IQGAP2: variants seen among roughly 807,000 people sequenced by gnomAD.
IQGAP2 encodes the protein IQ motif containing GTPase activating protein 2.
IQGAP2 carries 173 observed loss-of-function variants against 201.3 expected under a neutral mutation model. The observed-to-expected ratio is 0.86, with a 90% confidence interval of 0.76 to 0.98. The LOEUF is 0.98. IQGAP2 is among the 50% of genes least tolerant of loss of function. The pLI is 0.00. For missense variants in IQGAP2, 1,687 were observed against 1,864.8 expected (o/e 0.90, Z 1.76); for synonymous variants, 675 against 673.9 (o/e 1.00, Z -0.03).
chr5:76,470,789 T>C (rs1472076832), intron 2 of IQGAP2, among the ~76,000 whole-genome samples: 1 of 152,200 alleles, frequency 6.6e-6, no homozygotes, highest in Non-Finnish European at 1.5e-5. Context: ...TAATACTAAA[T>C]GGACTTTTTA....
At chr5:76,589,886 GA>G (rs3215117) in intron 7 of IQGAP2, among the ~76,000 whole-genome samples, 158 bp downstream of exon 7, 9,135 of 152,244 alleles carry the variant, frequency 0.06, 742 homozygotes, top group East Asian at 0.44. Flanking sequence ...GAGGATGTCA[GA>G]ATATAACCAA....
chr5:76,630,396 A>G (rs1417767936), intron 14 of IQGAP2, among the ~76,000 whole-genome samples: 1 of 152,188 alleles, frequency 6.6e-6, no homozygotes, highest in Non-Finnish European at 1.5e-5. Flanking sequence ...TTTGGGTAAA[A>G]TAAGGAGCAA....
rs575867528 is a variant in IQGAP2 at position 76,517,597 on chromosome 5, C to T, written c.147-44799C>T. 4.2e-5 allele frequency among the ~76,000 whole-genome samples: 6 copies of T among 144,474 alleles called. No individual in the cohort carries two copies. In the South Asian group the frequency reaches 1.3e-3, roughly 32 times the overall value. 94.8% of individuals were successfully genotyped at this position (144,474 alleles called of 152,430 possible). ...ACTAGCCTGGGTGACAAAGTGAGAC[C>T]CTGTTTCAAAAAAAAAAAAAAAAAA... On this transcript the variant is annotated intron_variant, in intron 2 of 35. Transcript: ENST00000274364.
intron 3 of IQGAP2, among the ~76,000 whole-genome samples, chr5:76,566,872 T>A (rs775747985): frequency 1.4e-4 from 21 of 151,346 alleles, no homozygotes; most frequent in Admixed American, 4.6e-4. Context: ...AAATGGGGTG[T>A]TTGGTGGTGA....
chr5:76,558,776 C>T (rs1173420211), intron 2 of IQGAP2, among the ~76,000 whole-genome samples: 4 of 152,232 alleles, frequency 2.6e-5, no homozygotes, highest in Admixed American at 6.5e-5. Context: ...AGGAGAGAAA[C>T]TGAAGCTCAG....
At chr5:76,633,252 C>T (rs931743303) in intron 15 of IQGAP2, among the ~76,000 whole-genome samples, 1 of 152,116 alleles carries the variant, frequency 6.6e-6, no homozygotes, top group African/African-American at 2.4e-5. Flanking sequence ...AAAAAAATGG[C>T]AGCAAGACTT....
chr5:76,566,084 G>A (rs562806128), intron 3 of IQGAP2, among the ~76,000 whole-genome samples: 84 of 152,162 alleles, frequency 5.5e-4, no homozygotes, highest in Non-Finnish European at 1.0e-3. Context: ...ATACATATAG[G>A]GTAGAATTCA....
Position 76,683,840 on chromosome 5 carries a change from C to G in IQGAP2, c.3828C>G (p.Thr1276=), listed in dbSNP as rs961545007. Residue 1276 remains threonine, a synonymous_variant, in exon 30 of 36, where the codon ACC becomes ACG. Coordinates refer to ENST00000274364, the MANE Select transcript of IQGAP2 (RefSeq NM_006633.5). The part of the protein sequence containing the change: ...KANTLSQLSK[T]EISLVLTSKY... ...ATACACTAAGTCAGCTTTCAAAGACCGAGATTTCTCTTGTCTTGACAAGCA... is the reference window on the plus strand; with the variant it reads ...ATACACTAAGTCAGCTTTCAAAGACGGAGATTTCTCTTGTCTTGACAAGCA... 1 of 1,613,270 alleles carries G rather than the reference C, an allele frequency of 6.2e-7. No individual in the cohort carries two copies. Among genetic ancestry groups the G allele is most frequent in the Non-Finnish European group, 8.5e-7 (1 of 1,179,622 alleles).
intron 30 of IQGAP2, among the ~76,000 whole-genome samples, 161 bp downstream of exon 30, chr5:76,684,078 T>A (rs935096635): frequency 2.0e-5 from 3 of 152,232 alleles, no homozygotes; most frequent in Non-Finnish European, 4.4e-5. Context: ...ATAGACTCTT[T>A]AGAATTTAGG....
intron 17 of IQGAP2, among the ~76,000 whole-genome samples, chr5:76,643,822 G>A (rs538428261): frequency 3.2e-4 from 49 of 152,258 alleles, no homozygotes; most frequent in African/African-American, 1.2e-3. Flanking sequence ...CACTTCGCCA[G>A]GAGCAGTGGC....
chr5:76,705,881 T>C (rs981976850), intron 35 of IQGAP2, among the ~76,000 whole-genome samples: 1 of 152,240 alleles, frequency 6.6e-6, no homozygotes, highest in Non-Finnish European at 1.5e-5. Flanking sequence ...TTCCTGTACC[T>C]ATGTTACTAT....
chr5:76,459,260 C>T (rs536390837), intron 1 of IQGAP2, among the ~76,000 whole-genome samples: 3 of 152,098 alleles, frequency 2.0e-5, no homozygotes, highest in East Asian at 1.9e-4. Context: ...GGCCGAGGGA[C>T]GGGGTTCTGC....
intron 13 of IQGAP2, among the ~76,000 whole-genome samples, chr5:76,614,521 T>C (rs1373568071): frequency 6.6e-6 from 1 of 152,184 alleles, no homozygotes; most frequent in Non-Finnish European, 1.5e-5. Flanking sequence ...TGAAACTTTC[T>C]TTTCTCAGCC....
Position 76,652,875 on chromosome 5 carries a change from G to A in IQGAP2, c.2178+42G>A, listed in dbSNP as rs150683324. 151 of 1,246,044 alleles carry A rather than the reference G, an allele frequency of 1.2e-4. 1 individual carries two copies. The East Asian group carries it at 3.0e-3, about 24-fold the overall frequency. The allele number at this position is 1,246,044 out of a possible 1,614,324, so 77.2% of individuals were successfully genotyped here. On this transcript the variant is annotated intron_variant, in intron 18 of 35. Coordinates refer to ENST00000274364, the MANE Select transcript of IQGAP2 (RefSeq NM_006633.5). Reference sequence around the variant, plus strand: ...ACCATACCAAGTGCTTGGCTTAAACGTTTCCCCTCATTTCATGTTTAATCT... The same window carrying A: ...ACCATACCAAGTGCTTGGCTTAAACATTTCCCCTCATTTCATGTTTAATCT...
At chr5:76,613,010 C>T (rs1460361635) in intron 13 of IQGAP2, among the ~76,000 whole-genome samples, 1 of 152,218 alleles carries the variant, frequency 6.6e-6, no homozygotes, top group African/African-American at 2.4e-5. Flanking sequence ...CCCATGGTGG[C>T]GCCCTCTGCA....
intron 3 of IQGAP2, among the ~76,000 whole-genome samples, chr5:76,564,617 C>T (rs1410595704): frequency 6.6e-6 from 1 of 152,232 alleles, no homozygotes; most frequent in African/African-American, 2.4e-5. Context: ...ACCTTCTCCT[C>T]CTGGCATCAG....
chr5:76,643,720 T>A (rs368970344), intron 17 of IQGAP2, among the ~76,000 whole-genome samples: 2 of 152,084 alleles, frequency 1.3e-5, no homozygotes, highest in African/African-American at 4.8e-5. Flanking sequence ...ACACCAAAAC[T>A]TAGCCCTGAG....
At position 76,652,676 on chromosome 5, in the gene IQGAP2, C is replaced by T. The variant is rs1580728482; in HGVS notation, c.2095-74C>T. 5 of 1,044,192 alleles carry T rather than the reference C, an allele frequency of 4.8e-6. No homozygotes were observed. The East Asian group carries it at 9.5e-5, about 20-fold the overall frequency. 64.7% of individuals were successfully genotyped at this position (1,044,192 alleles called of 1,614,324 possible). On this transcript the variant is annotated intron_variant, in intron 17 of 35. Transcript: ENST00000274364. The stretch of plus-strand genomic sequence containing the variant: ...CCAGCTCCATGCGGCCTGAGATGTG[C>T]TCTGCTCTTGCACTTCCTAGATAAA...
chr5:76,559,577 T>A (rs1438637755), intron 2 of IQGAP2, among the ~76,000 whole-genome samples: 1 of 152,190 alleles, frequency 6.6e-6, no homozygotes, highest in South Asian at 2.1e-4. Flanking sequence ...TGGGTTTTCT[T>A]CGTGAGTCAG....
Sources: allele counts gnomAD v4.1 joint callset (sites outside exome capture counted in the v4.1 genomes callset), GRCh38; gene constraint gnomAD v4.1.1; transcripts MANE v1.5; gene names NCBI Gene and HGNC (gene_info 2026-07-23, HGNC 2026-07-21).